Variants in SETD5 observed in about 807,000 individuals in gnomAD.
SETD5 encodes SET domain containing 5.
Under a neutral mutation model 153.3 loss-of-function variants are expected in SETD5, and 44 were observed. The ratio of observed to expected loss-of-function variants is 0.29; its 90% CI spans 0.23 to 0.37. The LOEUF is 0.37. Ranked by LOEUF, SETD5 falls within the 10% of genes least tolerant of loss-of-function variation. The probability of loss-of-function intolerance (pLI) is 1.00; values close to 1 mark genes in which losing one functional copy is unlikely to be tolerated. For synonymous variants in SETD5, 716 were observed against 645.2 expected, an observed-to-expected ratio of 1.11 and a Z score of -1.66; for missense variants, 1,544 against 1,768.0, an observed-to-expected ratio of 0.87 and a Z score of 2.27.
At chr3:9,471,726 G>C (rs1030832027) in intron 19 of SETD5, among the ~76,000 whole-genome samples, 4 of 152,196 alleles carry the variant, frequency 2.6e-5, no homozygotes, top group Non-Finnish European at 5.9e-5. Context: ...TTCTCAACTA[G>C]GGGTGTTTGA....
At position 9,448,439 on chromosome 3, in the gene SETD5, G is replaced by C. The variant is rs762653950; in HGVS notation, c.2155G>C (p.Val719Leu). ...NDKAEKQECP[V>L]ECPLRITTDP... ...CAAAGCAGAGAAGCAAGAGTGCCCT[G>C]TTGAGTGCCCTTTACGTATCACAAC... Residue 719 changes from valine (V) to leucine (L), a missense_variant, in exon 16 of 23, where the codon GTT becomes CTT. Transcript: ENST00000402198. The C allele has an allele frequency of 3.1e-6, 5 of 1,614,002 alleles. No homozygotes were observed. The highest frequency in any genetic ancestry group is 4.2e-6 in the Non-Finnish European group (5 of 1,179,890).
chr3:9,440,439 G>GAA lies in SETD5; in HGVS notation c.568-16_568-15dup. 1 of 1,376,016 alleles carries GAA rather than the reference G, an allele frequency of 7.3e-7. No individual in the cohort carries two copies. Among genetic ancestry groups the GAA allele is most frequent in the Non-Finnish European group, 1.0e-6 (1 of 963,738 alleles). 85.2% of individuals were successfully genotyped at this position (1,376,016 alleles called of 1,614,324 possible). The stretch of plus-strand genomic sequence containing the variant: ...ATGCATGGACTTTACTAACCTCCCT[G>GAA]AATTTGTTTTCTACAGAATTCTCCC... On this transcript the variant is annotated splice_polypyrimidine_tract_variant and intron_variant, in intron 7 of 22. Coordinates refer to ENST00000402198, the MANE Select transcript of SETD5 (RefSeq NM_001080517.3).
At chr3:9,430,140 C>G (rs1213526065) in intron 3 of SETD5, 1 of 1,014,242 alleles carries the variant, frequency 9.9e-7, no homozygotes, top group Non-Finnish European at 1.2e-6. Flanking sequence ...AGCAACTGTA[C>G]CAGATTTCTG....
chr3:9,436,783 G>C (rs1575398038), intron 7 of SETD5: 1 of 1,405,596 alleles, frequency 7.1e-7, no homozygotes, highest in East Asian at 2.5e-5. Flanking sequence ...TTTAGTCTCA[G>C]ATAGGTATAA....
chr3:9,423,579 C>T (rs1471645978), intron 1 of SETD5, among the ~76,000 whole-genome samples: 1 of 152,098 alleles, frequency 6.6e-6, no homozygotes, highest in Non-Finnish European at 1.5e-5. Flanking sequence ...TTTCTTCCTT[C>T]CTTTTACTGT....
At chr3:9,452,659 ATT>A (rs1164278885) in intron 16 of SETD5, among the ~76,000 whole-genome samples, 141 of 59,822 alleles carry the variant, frequency 2.4e-3, no homozygotes, top group South Asian at 8.1e-3. Context: ...ATGATGTAAG[ATT>A]TTTTTTTTTT....
intron 1 of SETD5, among the ~76,000 whole-genome samples, chr3:9,398,821 C>T (rs1312952475): frequency 6.6e-6 from 1 of 152,158 alleles, no homozygotes; most frequent in African/African-American, 2.4e-5. Flanking sequence ...TGGGAAAGCC[C>T]CTTCTATGCT....
In SETD5 at chr3:9,477,433, A is replaced by C. The variant is rs1436808511; in HGVS notation, c.*1342A>C. ...AGTTATAACCATGGTAGGGGTAGTG[A>C]ATATATGACAGGTGTAATCCCTGGT... On this transcript the variant is annotated 3_prime_UTR_variant, in exon 23 of 23. Transcript: ENST00000402198. 2.0e-5 allele frequency: 3 copies of C among 152,610 alleles called. No homozygotes were observed. Among genetic ancestry groups the C allele is most frequent in the African/African-American group, 4.8e-5 (2 of 41,442 alleles). 9.5% of individuals were successfully genotyped at this position (152,610 alleles called of 1,614,324 possible).
At chr3:9,410,135 C>T (rs1294411319) in intron 1 of SETD5, among the ~76,000 whole-genome samples, 1 of 152,182 alleles carries the variant, frequency 6.6e-6, no homozygotes, top group African/African-American at 2.4e-5. Context: ...TACACCTAAG[C>T]TATATGGTAT....
chr3:9,441,705 G>A lies in SETD5; in HGVS notation c.923G>A (p.Arg308Gln). ...GAGTATCGTGGGAAAGTCATGTTAC[G>A]ACAGCAATTTGAGGTCAATGGGCAT... ...IIEYRGKVML[R>Q]QQFEVNGHFF... Residue 308 changes from arginine to glutamine, a missense_variant, in exon 9 of 23, where the codon CGA (arginine) becomes CAA (glutamine). This residue lies in a region of SETD5 where 30 missense variants were observed against 66.0 expected (regional missense o/e 0.45). Coordinates refer to ENST00000402198, the MANE Select transcript of SETD5 (RefSeq NM_001080517.3). 2 of 1,613,952 alleles carry A rather than the reference G, an allele frequency of 1.2e-6. No homozygotes were observed. The highest frequency in any genetic ancestry group is 1.3e-5 in the African/African-American group (1 of 75,036).
At chr3:9,422,459 T>C (rs139773711) in intron 1 of SETD5, among the ~76,000 whole-genome samples, 3 of 152,326 alleles carry the variant, frequency 2.0e-5, no homozygotes, top group Admixed American at 1.3e-4. Flanking sequence ...CAGAGCAGTT[T>C]TTATGCTTAG....
chr3:9,444,006 A>T (rs1337840906), intron 11 of SETD5, among the ~76,000 whole-genome samples: 2 of 152,172 alleles, frequency 1.3e-5, no homozygotes, highest in Non-Finnish European at 2.9e-5. Context: ...AGGCTGCAGT[A>T]AGCCAAGATC....
At chr3:9,459,648 T>C (rs1400255847) in intron 17 of SETD5, among the ~76,000 whole-genome samples, 1 of 138,236 alleles carries the variant, frequency 7.2e-6, no homozygotes, top group Non-Finnish European at 1.5e-5. Flanking sequence ...CCGGGCATAG[T>C]GGCAGGCGCC....
chr3:9,452,085 CTG>C (rs371867064), intron 16 of SETD5, among the ~76,000 whole-genome samples: 85 of 152,268 alleles, frequency 5.6e-4, no homozygotes, highest in African/African-American at 1.9e-3. Context: ...ATTGTATTTG[CTG>C]TGTTTCACCT....
chr3:9,448,432 G>A lies in SETD5; in HGVS notation c.2148G>A (p.Glu716=), dbSNP rs192681161. The A allele has an allele frequency of 5.0e-5, 80 of 1,613,980 alleles. No individual in the cohort carries two copies. In the African/African-American group the frequency reaches 9.9e-4, roughly 20 times the overall value. The stretch of plus-strand genomic sequence containing the variant: ...TGAATGACAAAGCAGAGAAGCAAGA[G>A]TGCCCTGTTGAGTGCCCTTTACGTA... ...EWLNDKAEKQ[E]CPVECPLRIT... is the part of the protein sequence containing the mutation. Residue 716 remains glutamate, a synonymous_variant, in exon 16 of 23, where the codon GAG becomes GAA. Transcript: ENST00000402198.
At chr3:9,406,510 A>G (rs1364251360) in intron 1 of SETD5, among the ~76,000 whole-genome samples, 2 of 151,930 alleles carry the variant, frequency 1.3e-5, no homozygotes, top group East Asian at 3.9e-4. Context: ...TGGGAGGCTG[A>G]GGCAGGAGAA....
Position 9,464,610 on chromosome 3 carries a change from A to G in SETD5, c.2662A>G (p.Met888Val), listed in dbSNP as rs551983825. 24 of 1,613,750 alleles carry G rather than the reference A, an allele frequency of 1.5e-5. No homozygotes were observed. Among genetic ancestry groups the G allele is most frequent in the South Asian group, 1.1e-4 (10 of 91,074 alleles). The change falls in exon 18 of 23, where the codon ATG becomes GTG. Residue 888 changes from methionine to valine, a missense_variant. Coordinates refer to ENST00000402198, the MANE Select transcript of SETD5 (RefSeq NM_001080517.3). ...EEECRNGYSL[M>V]FSPVTSLTTA... ...GGAGTGTCGAAATGGATACAGCCTC[A>G]TGTTTTCACCAGTCACATCTCTTAC...
In SETD5 at chr3:9,434,932, G is replaced by A; in HGVS notation, c.388+50G>A. The A allele has an allele frequency of 6.3e-7, 1 of 1,585,312 alleles. No individual in the cohort carries two copies. Among genetic ancestry groups the A allele is most frequent in the Non-Finnish European group, 8.6e-7 (1 of 1,163,610 alleles). On this transcript the variant is annotated intron_variant, in intron 6 of 22. Coordinates refer to ENST00000402198, the MANE Select transcript of SETD5 (RefSeq NM_001080517.3). The surrounding 1 kb of genome is among the most constrained non-coding windows in gnomAD (Gnocchi z 5.6). ...ACAATTTGACATAAAAATATTCTGT[G>A]ATCTGAATGTTCATTTTAAGAACCC...
In SETD5 at chr3:9,434,819, T is replaced by C; in HGVS notation, c.330-5T>C. ...GACTACTTTAAGTTTATTTTCCCTC[T>C]TTAGGGGAATGAGCAGGGGGAAGGT... On this transcript the variant is annotated splice_polypyrimidine_tract_variant and splice_region_variant and intron_variant, in intron 5 of 22. Transcript: ENST00000402198. This position sits in a 1 kb window ranked among gnomAD's most constrained non-coding sequence, Gnocchi z 5.6. 6.2e-7 allele frequency: 1 copy of C among 1,612,464 alleles called. No homozygotes were observed.
Sources: allele counts gnomAD v4.1 joint callset (sites outside exome capture counted in the v4.1 genomes callset), GRCh38; gene constraint gnomAD v4.1.1; regional missense constraint gnomAD v4.1.1; non-coding constraint Gnocchi (gnomAD v3.1); transcripts MANE v1.5; gene names NCBI Gene and HGNC (gene_info 2026-07-23, HGNC 2026-07-21).